The following ARID3B variants were observed in gnomAD, a reference collection of about 807,000 sequenced individuals.
ARID3B encodes the protein AT-rich interactive domain-containing protein 3B.
A neutral mutation model predicts 51.9 loss-of-function variants in ARID3B; 10 were observed. That is an observed-to-expected ratio of 0.19 (90% CI 0.12 to 0.33). The LOEUF is 0.33. Among genes scored for constraint, ARID3B ranks in the 10% least tolerant of loss-of-function variants. The pLI, the probability that ARID3B is intolerant of heterozygous loss-of-function variation, is 1.00. For missense variants in ARID3B, 483 were observed against 716.3 expected, an observed-to-expected ratio of 0.67 and a Z score of 3.72; for synonymous variants, 205 against 279.5, an observed-to-expected ratio of 0.73 and a Z score of 2.66.
At chr15:74,542,529 T>C (rs1459584306) in intron 1 of ARID3B, among the ~76,000 whole-genome samples, 2 of 152,242 alleles carry the variant, frequency 1.3e-5, no homozygotes, top group Non-Finnish European at 2.9e-5. Context: ...CCTTTTTTAC[T>C]CTAACCTGGA....
intron 4 of ARID3B, among the ~76,000 whole-genome samples, chr15:74,575,831 C>T (rs1385606741): frequency 6.6e-6 from 1 of 152,236 alleles, no homozygotes; most frequent in Non-Finnish European, 1.5e-5. Context: ...AAAGGTTTCT[C>T]AGCCTCAGCA....
Position 74,579,860 on chromosome 15 carries a change from TGTGTGTGTGTGTGC to T in ARID3B, c.697+6658_697+6671del, listed in dbSNP as rs759419945. ...GTGTGTGTGTGTGTGTGTGTGTGTGTGTGTGTGTGTGTGCGCGCGCGCGCACACGCAAAAAATAC... is the reference window on the plus strand; with the variant it reads ...GTGTGTGTGTGTGTGTGTGTGTGTGTGCGCGCGCGCACACGCAAAAAATAC... On this transcript the variant is annotated intron_variant, in intron 4 of 8. Coordinates refer to ENST00000346246, the MANE Select transcript of ARID3B (RefSeq NM_006465.4). 3.4e-3 allele frequency among the ~76,000 whole-genome samples: 495 copies of T among 145,794 alleles called. 5 individuals are homozygous for T. The highest frequency in any genetic ancestry group is 0.012 in the African/African-American group (467 of 37,672).
intron 4 of ARID3B, among the ~76,000 whole-genome samples, chr15:74,575,355 A>G (rs906995987): frequency 2.0e-5 from 3 of 152,222 alleles, no homozygotes; most frequent in African/African-American, 7.2e-5. Flanking sequence ...TGTCCCCACT[A>G]GACTAGGAGC....
chr15:74,591,412 C>A lies in ARID3B; in HGVS notation c.1143C>A (p.Ser381=), dbSNP rs563699167. ...CCAATACCAGTAGCCCTCGGATATC[C>A]CCAGCAACCACTCTCAGGAAAGGTC... ...SGTNTSSPRI[S]PATTLRKGDG... is the part of the protein sequence containing the mutation. Residue 381 remains serine (S), a synonymous_variant, in exon 6 of 9, where the codon TCC becomes TCA. Coordinates refer to ENST00000346246, the MANE Select transcript of ARID3B (RefSeq NM_006465.4). The surrounding 1 kb of genome is among the most constrained non-coding windows in gnomAD (Gnocchi z 5.8). The A allele has an allele frequency of 1.2e-6, 2 of 1,605,476 alleles. No individual in the cohort carries two copies. Among genetic ancestry groups the A allele is most frequent in the South Asian group, 1.1e-5 (1 of 90,916 alleles).
At chr15:74,560,742 C>G (rs1018358473) in intron 2 of ARID3B, among the ~76,000 whole-genome samples, 8 of 152,274 alleles carry the variant, frequency 5.3e-5, no homozygotes, top group Middle Eastern at 6.8e-3. Context: ...TGTGCAGTCA[C>G]AGAACATGTG....
intron 2 of ARID3B, among the ~76,000 whole-genome samples, chr15:74,558,682 C>T (rs1596253868): frequency 6.6e-6 from 1 of 152,196 alleles, no homozygotes; most frequent in East Asian, 1.9e-4. Flanking sequence ...ATTATTATCT[C>T]TAATTCTTGG....
rs753659588 is a variant in ARID3B at position 74,544,074 on chromosome 15, G to T, written c.138G>T (p.Leu46=). 1.9e-6 allele frequency: 3 copies of T among 1,613,948 alleles called. No homozygotes were observed. Among genetic ancestry groups the T allele is most frequent in the Non-Finnish European group, 2.5e-6 (3 of 1,179,876 alleles). Residue 46 remains leucine (L), a synonymous_variant, in exon 2 of 9, where the codon CTG becomes CTT. Transcript: ENST00000346246. The part of the protein sequence containing the change: ...REAQFLYAQK[L]VTQPTLLSAT... ...CCCAGTTCTTGTATGCCCAAAAGCT[G>T]GTCACACAGCCGACTCTCCTTTCCG...
Position 74,573,112 on chromosome 15 carries a change from T to C in ARID3B, c.625-20T>C. Reference sequence around the variant, plus strand: ...TGGAATTTTTCACTGTGTGTTTTTCTTGGGGGATTGGGATTGCAGCTGTAT... The same window carrying C: ...TGGAATTTTTCACTGTGTGTTTTTCCTGGGGGATTGGGATTGCAGCTGTAT... On this transcript the variant is annotated intron_variant, in intron 3 of 8. Transcript: ENST00000346246. 1 of 1,613,266 alleles carries C rather than the reference T, an allele frequency of 6.2e-7. No individual in the cohort carries two copies. Among genetic ancestry groups the C allele is most frequent in the South Asian group, 1.1e-5 (1 of 91,018 alleles).
chr15:74,547,674 G>C (rs1348367635), intron 2 of ARID3B, among the ~76,000 whole-genome samples: 1 of 152,212 alleles, frequency 6.6e-6, no homozygotes, highest in Admixed American at 6.5e-5. Context: ...ACAATAATTT[G>C]ATTCTGTCCT....
intron 2 of ARID3B, among the ~76,000 whole-genome samples, chr15:74,561,337 A>G (rs8023479): frequency 0.31 from 47,121 of 152,108 alleles, 9,883 homozygotes; most frequent in African/African-American, 0.55. Flanking sequence ...TTTAAAGAGT[A>G]TTGCTATTTT....
At chr15:74,551,738 G>A (rs1485650188) in intron 2 of ARID3B, among the ~76,000 whole-genome samples, 2 of 152,188 alleles carry the variant, frequency 1.3e-5, no homozygotes, top group Non-Finnish European at 2.9e-5. Context: ...CCTCTTGATT[G>A]CACATTATTG....
intron 4 of ARID3B, among the ~76,000 whole-genome samples, chr15:74,579,013 G>A (rs78932414): frequency 0.024 from 3,716 of 152,348 alleles, 148 homozygotes; most frequent in African/African-American, 0.086. Context: ...TGTGAGAGGG[G>A]CCAGCAGCTT....
intron 2 of ARID3B, among the ~76,000 whole-genome samples, chr15:74,547,174 C>A (rs969330113): frequency 1.3e-5 from 2 of 151,280 alleles, no homozygotes; most frequent in Non-Finnish European, 1.5e-5. Context: ...CCCCCTCCCC[C>A]GCCGACACAG....
At chr15:74,577,098 A>G (rs1186162245) in intron 4 of ARID3B, among the ~76,000 whole-genome samples, 1 of 152,182 alleles carries the variant, frequency 6.6e-6, no homozygotes, top group Non-Finnish European at 1.5e-5. Context: ...GCAGGAAGAT[A>G]GTGTAGAGGT....
chr15:74,551,050 C>T (rs1209095806), intron 2 of ARID3B, among the ~76,000 whole-genome samples: 2 of 152,152 alleles, frequency 1.3e-5, no homozygotes, highest in South Asian at 4.1e-4. Context: ...CTGTGGAACC[C>T]ACATATATTA....
At chr15:74,553,219 TAACA>T (rs1182917546) in intron 2 of ARID3B, among the ~76,000 whole-genome samples, 1 of 152,234 alleles carries the variant, frequency 6.6e-6, no homozygotes, top group African/African-American at 2.4e-5. Flanking sequence ...TTCCCTATGG[TAACA>T]GCATATACAG....
chr15:74,545,047 A>G (rs997503823), intron 2 of ARID3B, among the ~76,000 whole-genome samples: 6 of 152,210 alleles, frequency 3.9e-5, no homozygotes, highest in Non-Finnish European at 7.3e-5. Context: ...TGTCAATACA[A>G]TCTTCTTTTT....
chr15:74,547,136 A>G (rs2061618713), intron 2 of ARID3B, among the ~76,000 whole-genome samples: 2 of 151,826 alleles, frequency 1.3e-5, no homozygotes, highest in African/African-American at 4.8e-5. Flanking sequence ...GACCTTTACA[A>G]TTGACACAGA....
intron 4 of ARID3B, among the ~76,000 whole-genome samples, chr15:74,582,121 T>C (rs1176558018): frequency 6.6e-6 from 1 of 151,906 alleles, no homozygotes; most frequent in Non-Finnish European, 1.5e-5. Context: ...GTCCACCTCC[T>C]TCTGACTCAT....
Sources: allele counts gnomAD v4.1 joint callset (sites outside exome capture counted in the v4.1 genomes callset), GRCh38; gene constraint gnomAD v4.1.1; non-coding constraint Gnocchi (gnomAD v3.1); transcripts MANE v1.5; gene names NCBI Gene and HGNC (gene_info 2026-07-23, HGNC 2026-07-21).